The following PPP1R12B variants were observed in gnomAD, a reference collection of about 807,000 sequenced individuals.
PPP1R12B encodes the protein protein phosphatase 1 regulatory subunit 12B.
In PPP1R12B, 76 loss-of-function variants were observed where a neutral mutation model predicts 126.1. That is an observed-to-expected ratio of 0.60 (90% CI 0.50 to 0.73). The LOEUF (loss-of-function observed/expected upper bound fraction) is 0.73. Ranked by LOEUF, PPP1R12B falls within the 30% of genes least tolerant of loss-of-function variation. The pLI is 0.00. For synonymous variants in PPP1R12B, 356 were observed against 434.7 expected (o/e 0.82, Z 2.25); for missense variants, 1,052 against 1,205.1 (o/e 0.87, Z 1.88).
intron 13 of PPP1R12B, among the ~76,000 whole-genome samples, chr1:202,461,048 A>G (rs1387390550): frequency 1.3e-5 from 2 of 152,142 alleles, no homozygotes; most frequent in South Asian, 2.1e-4. Context: ...GGAAATGCAC[A>G]GGATTGATTT....
intron 13 of PPP1R12B, among the ~76,000 whole-genome samples, chr1:202,471,550 T>A (rs1675885175): frequency 6.6e-6 from 1 of 151,058 alleles, no homozygotes; most frequent in Non-Finnish European, 1.5e-5. Context: ...TTTCTCATTC[T>A]TTTCAACTAG....
rs531645655 is a variant in PPP1R12B at position 202,502,284 on chromosome 1, G to A, written c.2490+5462G>A. On this transcript the variant is annotated intron_variant, in intron 18 of 23. Transcript: ENST00000608999. ...GCCTTAGATAACTGGGGGTATGCTC[G>A]TGGAGAGATCTGTTGGTAAAAGTCT... 1.9e-5 allele frequency: 19 copies of A among 984,638 alleles called. No homozygotes were observed. In the East Asian group the frequency reaches 3.4e-4, roughly 18 times the overall value. The allele number at this position is 984,638 out of a possible 1,614,324, so 61.0% of individuals were successfully genotyped here.
intron 18 of PPP1R12B, among the ~76,000 whole-genome samples, chr1:202,531,952 A>G (rs1424104857): frequency 6.6e-6 from 1 of 152,222 alleles, no homozygotes; most frequent in Non-Finnish European, 1.5e-5. Context: ...AGTGAAAGCA[A>G]GTTTATTTAG....
chr1:202,407,631 G>A (rs983582320), intron 1 of PPP1R12B, among the ~76,000 whole-genome samples: 13 of 152,188 alleles, frequency 8.5e-5, no homozygotes, highest in Admixed American at 8.5e-4. Context: ...CTGCTGTGAT[G>A]ATTTCCACTT....
chr1:202,540,467 G>A (rs1445451531), intron 18 of PPP1R12B, among the ~76,000 whole-genome samples: 1 of 152,076 alleles, frequency 6.6e-6, no homozygotes, highest in Non-Finnish European at 1.5e-5. Context: ...TAAATATGTC[G>A]GGCTACAGTT....
At chr1:202,394,690 G>A (rs1439149814) in intron 1 of PPP1R12B, among the ~76,000 whole-genome samples, 18 of 152,174 alleles carry the variant, frequency 1.2e-4, no homozygotes, top group African/African-American at 3.4e-4. Context: ...TGAGGCGGAC[G>A]TTGCGGTGAG....
At chr1:202,572,214 G>C (rs1309977883) in intron 23 of PPP1R12B, among the ~76,000 whole-genome samples, 1 of 152,220 alleles carries the variant, frequency 6.6e-6, no homozygotes, top group African/African-American at 2.4e-5. Context: ...CTGGGACCCA[G>C]TAGAGCTTGG....
At chr1:202,352,241 T>C (rs1656153829) in intron 1 of PPP1R12B, among the ~76,000 whole-genome samples, 1 of 152,244 alleles carries the variant, frequency 6.6e-6, no homozygotes, top group African/African-American at 2.4e-5. Context: ...CTATGTGGAA[T>C]AGTACTTTAA....
chr1:202,583,225 G>A lies in PPP1R12B; in HGVS notation c.*2665G>A, dbSNP rs1190482217. 6.6e-6 allele frequency: 1 copy of A among 152,160 alleles called. No individual in the cohort carries two copies. Among genetic ancestry groups the A allele is most frequent in the Non-Finnish European group, 1.5e-5 (1 of 68,022 alleles). 9.4% of individuals were successfully genotyped at this position (152,160 alleles called of 1,614,324 possible). On this transcript the variant is annotated 3_prime_UTR_variant, in exon 24 of 24. Transcript: ENST00000608999. The stretch of plus-strand genomic sequence containing the variant: ...TCAAGAAAAGAAAATTGGATTATTA[G>A]GAATACATCTTGACCCTTTTCCACT...
At chr1:202,562,700 A>G (rs954684990) in intron 19 of PPP1R12B, 78 bp from the exon 20 acceptor site, 8 of 1,474,106 alleles carry the variant, frequency 5.4e-6, no homozygotes, top group East Asian at 2.3e-5. Flanking sequence ...AAAAGGCGCA[A>G]ACTACCCCTG....
intron 19 of PPP1R12B, among the ~76,000 whole-genome samples, chr1:202,560,705 T>A (rs537976792): frequency 4.3e-4 from 66 of 152,340 alleles, no homozygotes; most frequent in African/African-American, 1.6e-3. Context: ...CGTCTGGGAA[T>A]GCAGCCCAGT....
At chr1:202,349,973 C>G (rs1392906450) in intron 1 of PPP1R12B, among the ~76,000 whole-genome samples, 1 of 152,192 alleles carries the variant, frequency 6.6e-6, no homozygotes, top group Non-Finnish European at 1.5e-5. Flanking sequence ...CCATGACTAA[C>G]TACCCCTCTC....
intron 1 of PPP1R12B, among the ~76,000 whole-genome samples, chr1:202,358,681 CAAAAA>C (rs200723132): frequency 9.2e-6 from 1 of 109,154 alleles, no homozygotes; most frequent in Non-Finnish European, 1.9e-5. Context: ...GACTCCGTCT[CAAAAA>C]AAAAAAAAAA....
intron 13 of PPP1R12B, among the ~76,000 whole-genome samples, chr1:202,478,787 T>C (rs893607647): frequency 5.9e-5 from 9 of 152,202 alleles, no homozygotes; most frequent in Admixed American, 3.3e-4. Flanking sequence ...TTCACATGTG[T>C]GATTTCAGAT....
At chr1:202,375,635 C>T (rs1172062079) in intron 1 of PPP1R12B, among the ~76,000 whole-genome samples, 1 of 152,216 alleles carries the variant, frequency 6.6e-6, no homozygotes, top group Non-Finnish European at 1.5e-5. Context: ...GTAATCATAG[C>T]TCACTGTAAC....
At chr1:202,474,570 G>A (rs954636662) in intron 13 of PPP1R12B, among the ~76,000 whole-genome samples, 9 of 152,072 alleles carry the variant, frequency 5.9e-5, no homozygotes, top group African/African-American at 9.7e-5. Flanking sequence ...GAGCCACCGC[G>A]CCCAGCCACA....
At position 202,585,514 on chromosome 1, in the gene PPP1R12B, CTT is replaced by C. The variant is rs1467296705; in HGVS notation, c.*4956_*4957del. On this transcript the variant is annotated 3_prime_UTR_variant, in exon 24 of 24. Transcript: ENST00000608999. ...GTAAAATGAGGTTGGACTGGATAAT[CTT>C]TATGTGCCCTTTCCTTTTGGCTTAA... The C allele has an allele frequency of 6.6e-6, 1 of 152,244 alleles. No individual in the cohort carries two copies. Among genetic ancestry groups the C allele is most frequent in the Non-Finnish European group, 1.5e-5 (1 of 68,048 alleles). 9.4% of individuals were successfully genotyped at this position (152,244 alleles called of 1,614,324 possible). A position where few individuals can be genotyped will look rare whatever the true frequency, so the allele number is the denominator to read the frequency against.
At chr1:202,563,497 TA>T (rs1435374776) in intron 20 of PPP1R12B, among the ~76,000 whole-genome samples, 1 of 151,040 alleles carries the variant, frequency 6.6e-6, no homozygotes, top group African/African-American at 2.4e-5. Flanking sequence ...ATTAAGAATA[TA>T]AAAAGGGTGA....
At chr1:202,442,310 A>G (rs1671731159) in intron 11 of PPP1R12B, 137 bp from the exon 12 acceptor site, 1 of 1,009,398 alleles carries the variant, frequency 9.9e-7, no homozygotes, top group Non-Finnish European at 1.4e-6. Context: ...ACTGGTATAT[A>G]AAACAGAATA....
Sources: allele counts gnomAD v4.1 joint callset (sites outside exome capture counted in the v4.1 genomes callset), GRCh38; gene constraint gnomAD v4.1.1; transcripts MANE v1.5; gene names NCBI Gene and HGNC (gene_info 2026-07-23, HGNC 2026-07-21).